Variants in CDH4 observed in about 807,000 individuals in gnomAD.
The protein encoded by CDH4 is cadherin 4, also known as cadherin-4.
A neutral mutation model predicts 86.0 loss-of-function variants in CDH4; 33 were observed. That is an observed-to-expected ratio of 0.38 (90% confidence interval 0.29 to 0.51). The LOEUF is 0.51. Ranked by LOEUF, CDH4 falls within the 20% of genes least tolerant of loss-of-function variation. The pLI is 0.86. For synonymous variants in CDH4, 555 were observed against 549.4 expected, an observed-to-expected ratio of 1.01 and a Z score of -0.14; for missense variants, 1,114 against 1,307.4, an observed-to-expected ratio of 0.85 and a Z score of 2.28.
At position 61,252,416 on chromosome 20, in the gene CDH4, CGGCGA is replaced by C; in HGVS notation, c.-97_-93del. 1 of 464,616 alleles carries C rather than the reference CGGCGA, an allele frequency of 2.2e-6. No homozygotes were observed. Among genetic ancestry groups the C allele is most frequent in the Non-Finnish European group, 2.8e-6 (1 of 359,758 alleles). The allele number at this position is 464,616 out of a possible 1,614,324, so 28.8% of individuals were successfully genotyped here. A position where few individuals can be genotyped will look rare whatever the true frequency, so the allele number is the denominator to read the frequency against. On this transcript the variant is annotated 5_prime_UTR_variant, in exon 1 of 16. Transcript: ENST00000614565. This position sits in a 1 kb window ranked among gnomAD's most constrained non-coding sequence, Gnocchi z 4.4. ...AGGCGCGGGGGAGCGGCGGCGGCGG[CGGCGA>C]TCGGAGCGGCGGCGGTGGTCTCGGC...
chr20:61,808,980 A>C (rs1275148136), intron 4 of CDH4, among the ~76,000 whole-genome samples: 2 of 152,242 alleles, frequency 1.3e-5, no homozygotes, highest in African/African-American at 2.4e-5. Context: ...GTCAATACAG[A>C]AGTCATGTTA....
At chr20:61,893,058 GAGAT>G (rs1236163072) in intron 7 of CDH4, among the ~76,000 whole-genome samples, 12 of 144,422 alleles carry the variant, frequency 8.3e-5, no homozygotes, top group Non-Finnish European at 1.4e-4. Flanking sequence ...GGTGAATAGA[GAGAT>G]AGATGGATGG....
rs138274161 is a variant in CDH4 at position 61,895,012 on chromosome 20, G to A, written c.1153G>A (p.Val385Met). Residue 385 changes from valine (V) to methionine (M), a missense_variant, in exon 8 of 16, where the codon GTG (valine) becomes ATG (methionine). By Grantham distance (21) the Val-to-Met change is conservative. Around this residue, in one of 3 missense-constraint regions of CDH4, gnomAD observed 705 missense variants for 914.1 expected, o/e 0.77. Transcript: ENST00000614565. Reference protein sequence around the residue: ...TATAIITVTDVNDNPPEFTAS... With the variant: ...TATAIITVTDMNDNPPEFTAS... ...CACAGCCATCATCACGGTGACAGAT[G>A]TGAATGACAACCCGCCAGAATTTAC... 7.3e-5 allele frequency: 118 copies of A among 1,613,910 alleles called. No individual in the cohort carries two copies. The African/African-American group carries it at 1.4e-3, about 19-fold the overall frequency.
At chr20:61,657,457 C>T (rs1405538767) in intron 2 of CDH4, among the ~76,000 whole-genome samples, 2 of 152,198 alleles carry the variant, frequency 1.3e-5, no homozygotes, top group Non-Finnish European at 2.9e-5. Flanking sequence ...TTAATAATGC[C>T]GAGCTTAACC....
At chr20:61,655,990 G>A (rs2087183279) in intron 2 of CDH4, among the ~76,000 whole-genome samples, 1 of 152,170 alleles carries the variant, frequency 6.6e-6, no homozygotes, top group Admixed American at 6.5e-5. Flanking sequence ...CAGATATCGT[G>A]AACAGTCCTG....
rs752975103 is a variant in CDH4 at position 61,868,795 on chromosome 20, TG to T, written c.878-4931del. Among the ~76,000 whole-genome samples the T allele has an allele frequency of 1.6e-3, 239 of 152,276 alleles. 2 individuals are homozygous for T. Among genetic ancestry groups the T allele is most frequent in the Non-Finnish European group, 9.0e-4 (61 of 68,022 alleles). ...TGGAGCTGCCTCTCCTCTTGTCACC[TG>T]GTTTCCCCACCATGTATTCCAGAGG... On this transcript the variant is annotated intron_variant, in intron 6 of 15. Coordinates refer to ENST00000614565, the MANE Select transcript of CDH4 (RefSeq NM_001794.5).
At chr20:61,869,665 G>A (rs775834041) in intron 6 of CDH4, among the ~76,000 whole-genome samples, 31 of 152,122 alleles carry the variant, frequency 2.0e-4, no homozygotes, top group Non-Finnish European at 4.0e-4. Flanking sequence ...ACCCTCTCAC[G>A]TCCACATCCT....
intron 2 of CDH4, among the ~76,000 whole-genome samples, chr20:61,581,577 C>T (rs1035286083): frequency 6.6e-6 from 1 of 152,106 alleles, no homozygotes; most frequent in Non-Finnish European, 1.5e-5. Context: ...CAGCCTCTTC[C>T]GGTCTGTGTG....
chr20:61,464,158 G>A (rs947987397), intron 2 of CDH4, among the ~76,000 whole-genome samples: 12 of 152,134 alleles, frequency 7.9e-5, no homozygotes, highest in African/African-American at 1.7e-4. Context: ...AACTTGGCAC[G>A]TTGGGGCTCT....
chr20:61,662,526 C>G (rs368313305), intron 2 of CDH4, among the ~76,000 whole-genome samples: 2 of 152,210 alleles, frequency 1.3e-5, no homozygotes, highest in Admixed American at 1.3e-4. Flanking sequence ...GGGACAGGAG[C>G]TGGGGGCTGG....
chr20:61,294,072 C>T (rs961915293), intron 2 of CDH4, among the ~76,000 whole-genome samples: 4 of 152,160 alleles, frequency 2.6e-5, no homozygotes, highest in Admixed American at 1.3e-4. Context: ...GGAGCGTCCG[C>T]AAGGATGCTG....
At chr20:61,514,306 G>GCCCCCCCCAC (rs1215793319) in intron 2 of CDH4, among the ~76,000 whole-genome samples, 2 of 125,816 alleles carry the variant, frequency 1.6e-5, no homozygotes, top group African/African-American at 3.2e-5. Flanking sequence ...GCCTCAGTCC[G>GCCCCCCCCAC]CCCCCCCCGC....
intron 2 of CDH4, among the ~76,000 whole-genome samples, chr20:61,498,894 G>T (rs2085680625): frequency 6.6e-6 from 1 of 152,164 alleles, no homozygotes; most frequent in African/African-American, 2.4e-5. Flanking sequence ...CTTTACTCCA[G>T]CTGTCTTCTG....
intron 2 of CDH4, among the ~76,000 whole-genome samples, chr20:61,274,235 AG>A (rs2084210153): frequency 1.7e-5 from 1 of 58,894 alleles, no homozygotes; most frequent in Admixed American, 2.3e-4. Context: ...ACAGTTTGGG[AG>A]AGTACCATGT....
intron 2 of CDH4, among the ~76,000 whole-genome samples, chr20:61,584,687 A>C (rs1408514092): frequency 2.0e-5 from 3 of 152,222 alleles, no homozygotes; most frequent in Non-Finnish European, 4.4e-5. Context: ...TAACCCTGTG[A>C]GAATGTGTGC....
rs1285773464 is a variant in CDH4 at position 61,565,230 on chromosome 20, G to A, written c.170-178333G>A. Among the ~76,000 whole-genome samples, 55 of 30,612 alleles carry A rather than the reference G, an allele frequency of 1.8e-3. 7 individuals carry two copies. The South Asian group carries it at 0.031, about 18-fold the overall frequency. 20.1% of individuals were successfully genotyped at this position (30,612 alleles called of 152,430 possible). The stretch of plus-strand genomic sequence containing the variant: ...GCGGTGCTCTCGGTGGTAGGTGGTG[G>A]TGGTGGTGGTGGCGGTGCTCTTGGT... On this transcript the variant is annotated intron_variant, in intron 2 of 15. Coordinates refer to ENST00000614565, the MANE Select transcript of CDH4 (RefSeq NM_001794.5).
chr20:61,572,543 G>A (rs911099245), intron 2 of CDH4, among the ~76,000 whole-genome samples: 19 of 152,152 alleles, frequency 1.2e-4, no homozygotes, highest in Admixed American at 7.9e-4. Flanking sequence ...CCCAACTCCT[G>A]CCCTGCCATT....
chr20:61,526,173 C>A (rs1047734284), intron 2 of CDH4, among the ~76,000 whole-genome samples: 1 of 150,734 alleles, frequency 6.6e-6, no homozygotes, highest in Admixed American at 6.6e-5. Context: ...GGTGCCCCTC[C>A]CCCTCCCCGG....
chr20:61,739,212 G>C (rs1021180136), intron 2 of CDH4: 5 of 152,380 alleles, frequency 3.3e-5, no homozygotes, highest in African/African-American at 1.2e-4. Flanking sequence ...TCCTCTGGGG[G>C]CTGTTTCCCA....
Sources: gnomAD v4.1 joint callset for allele counts (sites outside exome capture counted in the v4.1 genomes callset) on GRCh38, gnomAD v4.1.1 for gene constraint, gnomAD v4.1.1 regional missense constraint, Gnocchi (gnomAD v3.1) non-coding constraint, MANE v1.5 for transcripts, NCBI Gene and HGNC (gene_info 2026-07-23, HGNC 2026-07-21) for gene names.